The following ANKRD28 variants were observed in gnomAD, a reference collection of about 807,000 sequenced individuals.
ANKRD28 encodes serine/threonine-protein phosphatase 6 regulatory ankyrin repeat subunit A.
A neutral mutation model predicts 126.5 loss-of-function variants in ANKRD28; 44 were observed. The observed-to-expected ratio is 0.35, with a 90% confidence interval of 0.27 to 0.45. The LOEUF (loss-of-function observed/expected upper bound fraction) is 0.45, where lower values mean the gene tolerates loss of function less well. ANKRD28 is among the 20% of genes least tolerant of loss of function. The pLI, the probability that ANKRD28 is intolerant of heterozygous loss-of-function variation, is 1.00. For synonymous variants in ANKRD28, 442 were observed against 468.5 expected (o/e 0.94, Z 0.73); for missense variants, 1,110 against 1,316.6 (o/e 0.84, Z 2.43).
chr3:15,739,832 A>G (rs2075314720), intron 4 of ANKRD28, among the ~76,000 whole-genome samples: 1 of 152,344 alleles, frequency 6.6e-6, no homozygotes, highest in East Asian at 1.9e-4. Flanking sequence ...AAAAGACTGA[A>G]GAAATGCCCA....
At chr3:15,795,816 A>C (rs1467579151) in intron 1 of ANKRD28, among the ~76,000 whole-genome samples, 1 of 152,148 alleles carries the variant, frequency 6.6e-6, no homozygotes, top group African/African-American at 2.4e-5. Context: ...ATCAAAGACC[A>C]AAAAATACTG....
At chr3:15,736,689 G>C (rs548381981) in intron 5 of ANKRD28, among the ~76,000 whole-genome samples, 1 of 152,164 alleles carries the variant, frequency 6.6e-6, no homozygotes, top group Non-Finnish European at 1.5e-5. Flanking sequence ...CTACTAAAAA[G>C]CATGTTTTCT....
At chr3:15,671,959 G>T (rs149534889) in intron 27 of ANKRD28, among the ~76,000 whole-genome samples, 336 of 152,096 alleles carry the variant, frequency 2.2e-3, no homozygotes, top group African/African-American at 7.8e-3. Context: ...TGGCATTTTT[G>T]TGTAGCATTA....
chr3:15,857,535 T>A (rs2061800417), intron 1 of ANKRD28, among the ~76,000 whole-genome samples: 1 of 152,222 alleles, frequency 6.6e-6, no homozygotes, highest in Non-Finnish European at 1.5e-5. Flanking sequence ...TCCGCCTGCC[T>A]CGGCCTCTCA....
Position 15,814,272 on chromosome 3 carries a change from G to A in ANKRD28, c.28-18966C>T. The A allele has an allele frequency of 7.9e-7, 1 of 1,269,670 alleles. No homozygotes were observed. Among genetic ancestry groups the A allele is most frequent in the South Asian group, 1.3e-5 (1 of 76,562 alleles). The allele number at this position is 1,269,670 out of a possible 1,614,324, so 78.7% of individuals were successfully genotyped here. ...GGAATTCCCATACTATTTTCCTCTG[G>A]TGGAGGCAGTTGTACTGTTTCAATT... On this transcript the variant is annotated intron_variant, in intron 1 of 27. Coordinates refer to the ANKRD28 transcript ENST00000399451. The surrounding 1 kb of genome is among the most constrained non-coding windows in gnomAD (Gnocchi z 4.7).
chr3:15,707,713 T>C (rs2071645529), intron 14 of ANKRD28, among the ~76,000 whole-genome samples: 1 of 152,216 alleles, frequency 6.6e-6, no homozygotes, highest in Non-Finnish European at 1.5e-5. Flanking sequence ...TTCCACCAGA[T>C]CAGCTAGTAA....
rs2125551785 is a variant in ANKRD28 at position 15,667,563 on chromosome 3, T to C, written c.*2707A>G. ...GCTTTAGACATACAAGGTGTAACCA[T>C]AAAGGAAATTTCTACGGTGCTGTGT... On this transcript the variant is annotated 3_prime_UTR_variant, in exon 28 of 28. Transcript: ENST00000683139. 1 of 152,338 alleles carries C rather than the reference T, an allele frequency of 6.6e-6. No homozygotes were observed. Among genetic ancestry groups the C allele is most frequent in the African/African-American group, 2.4e-5 (1 of 41,590 alleles). The allele number at this position is 152,338 out of a possible 1,614,324, so 9.4% of individuals were successfully genotyped here. A position where few individuals can be genotyped will look rare whatever the true frequency, so the allele number is the denominator to read the frequency against.
At chr3:15,684,902 T>C in intron 21 of ANKRD28, 1 of 255,694 alleles carries the variant, frequency 3.9e-6, no homozygotes, top group Non-Finnish European at 7.6e-6. Flanking sequence ...GGTGGGAGGA[T>C]CACTTGATGC....
At chr3:15,721,636 T>A (rs60181548) in intron 7 of ANKRD28, among the ~76,000 whole-genome samples, 2,591 of 152,336 alleles carry the variant, frequency 0.017, 72 homozygotes, top group African/African-American at 0.059. Flanking sequence ...TAATTCATTT[T>A]TTGCCACAAA....
At chr3:15,825,391 T>A (rs971995082) in intron 1 of ANKRD28, among the ~76,000 whole-genome samples, 1 of 152,134 alleles carries the variant, frequency 6.6e-6, no homozygotes. Flanking sequence ...TGCTCAACAG[T>A]TTTCATGGCA....
chr3:15,823,130 G>A (rs11920302), intron 1 of ANKRD28, among the ~76,000 whole-genome samples: 13 of 152,152 alleles, frequency 8.5e-5, no homozygotes, highest in Non-Finnish European at 8.8e-5. Flanking sequence ...TCCATGGAGC[G>A]GGGGGCGTTG....
At chr3:15,716,719 T>C (rs755995655) in intron 8 of ANKRD28, among the ~76,000 whole-genome samples, 1 of 152,164 alleles carries the variant, frequency 6.6e-6, no homozygotes, top group Non-Finnish European at 1.5e-5. Flanking sequence ...TAATAATAAT[T>C]TGATTAACAA....
At chr3:15,680,686 G>C (rs2067446823) in intron 21 of ANKRD28, among the ~76,000 whole-genome samples, 1 of 151,966 alleles carries the variant, frequency 6.6e-6, no homozygotes, top group African/African-American at 2.4e-5. Flanking sequence ...AATTTTTTGA[G>C]ACAGGGTCTT....
rs1205103088 is a variant in ANKRD28, at chr3:15,814,077, TATAA to T, written c.28-18775_28-18772del. Among the ~76,000 whole-genome samples the T allele has an allele frequency of 2.0e-5, 3 of 152,326 alleles. No homozygotes were observed. The East Asian group carries it at 5.8e-4, about 29-fold the overall frequency. Reference sequence around the variant, plus strand: ...CTTCCACTAACACAGGGTCCACTACTATAAATGTTTCTACAATAAAGGACTTTTT... The same window carrying T: ...CTTCCACTAACACAGGGTCCACTACTATGTTTCTACAATAAAGGACTTTTT... On this transcript the variant is annotated intron_variant, in intron 1 of 27. Transcript: ENST00000399451. The surrounding 1 kb of genome is among the most constrained non-coding windows in gnomAD (Gnocchi z 4.7).
intron 6 of ANKRD28, chr3:15,732,661 T>C (rs1443768202): frequency 1.3e-5 from 2 of 152,216 alleles, no homozygotes; most frequent in African/African-American, 2.4e-5. Flanking sequence ...AAGTTTGGCA[T>C]ATACTTCATT....
intron 14 of ANKRD28, among the ~76,000 whole-genome samples, chr3:15,698,164 A>T (rs2069951702): frequency 6.6e-6 from 1 of 152,194 alleles, no homozygotes; most frequent in African/African-American, 2.4e-5. Context: ...ATAGATGCAG[A>T]AAAGGCCTTC....
rs767410059 is a variant in ANKRD28 at position 15,737,191 on chromosome 3, C to A, written c.394G>T (p.Ala132Ser). ...VLLKHSADVNARDKNWQTPLH... is the reference protein window; with the variant it reads ...VLLKHSADVNSRDKNWQTPLH... Reference sequence around the variant, plus strand: ...GGGGTTTGCCAATTTTTGTCTCGAGCATTAACATCTGCAGAATGCTTCAAA... The same window carrying A: ...GGGGTTTGCCAATTTTTGTCTCGAGAATTAACATCTGCAGAATGCTTCAAA... Residue 132 changes from alanine to serine, a missense_variant, in exon 5 of 28, where the codon GCT (alanine) becomes TCT (serine). By Grantham distance (99) the Ala-to-Ser change is moderately conservative. Transcript: ENST00000683139. The A allele has an allele frequency of 3.7e-6, 6 of 1,613,968 alleles. No individual in the cohort carries two copies. Among genetic ancestry groups the A allele is most frequent in the Non-Finnish European group, 5.1e-6 (6 of 1,179,876 alleles).
chr3:15,740,550 T>C (rs1429706377), intron 4 of ANKRD28, among the ~76,000 whole-genome samples: 1 of 152,144 alleles, frequency 6.6e-6, no homozygotes, highest in Admixed American at 6.5e-5. Context: ...GGTATGTTAG[T>C]GGATATAATA....
intron 2 of ANKRD28, among the ~76,000 whole-genome samples, chr3:15,772,309 A>G (rs569147796): frequency 5.3e-5 from 8 of 152,202 alleles, no homozygotes; most frequent in Non-Finnish European, 1.0e-4. Context: ...CAGAATGATC[A>G]AAGGAAAAAA....
Sources: allele counts gnomAD v4.1 joint callset (sites outside exome capture counted in the v4.1 genomes callset), GRCh38; gene constraint gnomAD v4.1.1; non-coding constraint Gnocchi (gnomAD v3.1); transcripts MANE v1.5; gene names NCBI Gene and HGNC (gene_info 2026-07-23, HGNC 2026-07-21).